BANP: variants seen among roughly 807,000 people sequenced by gnomAD.
The protein encoded by BANP is BTG3 associated nuclear protein.
BANP carries 11 observed loss-of-function variants against 68.1 expected under a neutral mutation model. The observed-to-expected ratio is 0.16, with a 90% CI of 0.10 to 0.27. The LOEUF (loss-of-function observed/expected upper bound fraction) is 0.27, where lower values mean the gene tolerates loss of function less well. Ranked by LOEUF, BANP falls within the 10% of genes least tolerant of loss-of-function variation. The pLI, the probability that BANP is intolerant of heterozygous loss-of-function variation, is 1.00. For synonymous variants in BANP, 329 were observed against 303.2 expected (o/e 1.09, Z -0.88); for missense variants, 504 against 722.7 (o/e 0.70, Z 3.47).
intron 1 of BANP, among the ~76,000 whole-genome samples, chr16:87,960,468 T>C (rs545041107): frequency 5.3e-5 from 8 of 152,318 alleles, no homozygotes; most frequent in Non-Finnish European, 1.2e-4. Context: ...ATTTTTATCC[T>C]AAAGACATAC....
chr16:88,007,736 C>CGTATCT (rs1234405650), intron 6 of BANP, among the ~76,000 whole-genome samples: 1 of 152,170 alleles, frequency 6.6e-6, no homozygotes, highest in Non-Finnish European at 1.5e-5. Context: ...GACTCATTAC[C>CGTATCT]GTATCTGAAA....
intron 13 of BANP, among the ~76,000 whole-genome samples, chr16:88,073,670 C>T (rs1218663039): frequency 6.6e-6 from 1 of 152,158 alleles, no homozygotes; most frequent in Non-Finnish European, 1.5e-5. Context: ...CTGCCGAGGA[C>T]GCGTGGCAGC....
chr16:87,951,715 G>A (rs1178497184), intron 1 of BANP, among the ~76,000 whole-genome samples, 200 bp downstream of exon 1: 1 of 150,170 alleles, frequency 6.7e-6, no homozygotes, highest in Non-Finnish European at 1.5e-5. Flanking sequence ...CGGAAGAGGG[G>A]CTCCCGCTTC....
At position 88,057,763 on chromosome 16, in the gene BANP, G is replaced by T. The variant is rs879259972; in HGVS notation, c.1312-7504G>T. Among the ~76,000 whole-genome samples, 387 of 144,582 alleles carry T rather than the reference G, an allele frequency of 2.7e-3. 2 individuals are homozygous for T. The highest frequency in any genetic ancestry group is 4.7e-3 in the Non-Finnish European group (308 of 65,974). 94.9% of individuals were successfully genotyped at this position (144,582 alleles called of 152,430 possible). ...GGCCATCTGGGTGGGGCGGGGGGGG[G>T]GGTGCGTGCAGTGACTCGCGCTGGC... On this transcript the variant is annotated intron_variant, in intron 11 of 13. Transcript: ENST00000682872. This position sits in a 1 kb window ranked among gnomAD's most constrained non-coding sequence, Gnocchi z 4.6.
rs1197305189 is a variant in BANP, at chr16:88,071,401, A to T, written c.1378-668A>T. The T allele has an allele frequency of 4.5e-6, 2 of 447,544 alleles. No individual in the cohort carries two copies. The highest frequency in any genetic ancestry group is 9.0e-6 in the Non-Finnish European group (2 of 221,716). The allele number at this position is 447,544 out of a possible 1,614,324, so 27.7% of individuals were successfully genotyped here. On this transcript the variant is annotated intron_variant, in intron 12 of 13. Transcript: ENST00000682872. This position sits in a 1 kb window ranked among gnomAD's most constrained non-coding sequence, Gnocchi z 6.5. ...CTGGGTGCTTACAGGCGATGGGGTC[A>T]CCAGAGCCCACCCAGGGGCCTCGCC...
intron 11 of BANP, 68 bp downstream of exon 11, chr16:88,038,079 G>A: frequency 7.3e-6 from 11 of 1,516,424 alleles, no homozygotes; most frequent in Non-Finnish European, 1.0e-5. Context: ...TCAGGGGAGG[G>A]GGTGGGACGG....
chr16:87,997,176 C>G (rs2067483590), intron 4 of BANP, among the ~76,000 whole-genome samples: 1 of 152,194 alleles, frequency 6.6e-6, no homozygotes, highest in Non-Finnish European at 1.5e-5. Flanking sequence ...CCAGGCTGGT[C>G]TTGAACTCCT....
At chr16:88,074,899 T>G (rs1486013106) in intron 13 of BANP, among the ~76,000 whole-genome samples, 1 of 152,172 alleles carries the variant, frequency 6.6e-6, no homozygotes, top group Non-Finnish European at 1.5e-5. Flanking sequence ...CATTTGACAT[T>G]TGTCTTGAAA....
chr16:87,988,478 T>C (rs1212924255), intron 4 of BANP, among the ~76,000 whole-genome samples: 1 of 152,038 alleles, frequency 6.6e-6, no homozygotes, highest in African/African-American at 2.4e-5. Context: ...TGTTTGTCAG[T>C]CTGATCTCAA....
At chr16:88,074,658 T>TGGGG (rs1447275551) in intron 13 of BANP, among the ~76,000 whole-genome samples, 1 of 150,892 alleles carries the variant, frequency 6.6e-6, no homozygotes, top group Non-Finnish European at 1.5e-5. Flanking sequence ...TCCAGCTGTC[T>TGGGG]GGGGGAAGGG....
intron 4 of BANP, among the ~76,000 whole-genome samples, chr16:87,989,008 A>G (rs1226983191): frequency 6.6e-6 from 1 of 152,246 alleles, no homozygotes; most frequent in East Asian, 1.9e-4. Context: ...CTGGAACACA[A>G]GAAGGCAGTG....
intron 8 of BANP, among the ~76,000 whole-genome samples, chr16:88,031,151 G>A (rs1203398732): frequency 6.6e-6 from 1 of 152,218 alleles, no homozygotes; most frequent in Non-Finnish European, 1.5e-5. Flanking sequence ...CGTGGAGCAC[G>A]CAGCACTGCC....
intron 6 of BANP, among the ~76,000 whole-genome samples, chr16:88,013,033 T>C (rs2073586807): frequency 6.6e-6 from 1 of 152,198 alleles, no homozygotes; most frequent in Non-Finnish European, 1.5e-5. Flanking sequence ...TCCATTTCAG[T>C]GTAGAAAAGG....
chr16:88,072,367 A>T lies in BANP; in HGVS notation c.1521+155A>T, dbSNP rs113063252. Among the ~76,000 whole-genome samples the T allele has an allele frequency of 1.7e-3, 266 of 152,368 alleles. 3 individuals are homozygous for T. Among genetic ancestry groups the T allele is most frequent in the African/African-American group, 6.3e-3 (262 of 41,594 alleles). On this transcript the variant is annotated intron_variant, in intron 13 of 13. Coordinates refer to ENST00000682872, the MANE Select transcript of BANP (RefSeq NM_001386991.1). ...TGCCCATCTGAGGGTTCTACGTCTC[A>T]CACTCACCGTGAACGTGAAGGTGAG...
At chr16:87,962,216 G>C (rs910995861) in intron 1 of BANP, among the ~76,000 whole-genome samples, 4 of 127,904 alleles carry the variant, frequency 3.1e-5, no homozygotes, top group African/African-American at 6.2e-5. Context: ...CTCCAGTCTG[G>C]GCTACAGAGC....
Position 87,953,230 on chromosome 16 carries a change from A to G in BANP, c.-69+1715A>G, listed in dbSNP as rs187445144. ...CCATATATTTAGTATTTTAATCAAT[A>G]TAATGTATACAATAGGAACGTCAAT... On this transcript the variant is annotated intron_variant, in intron 1 of 13. Coordinates refer to ENST00000682872, the MANE Select transcript of BANP (RefSeq NM_001386991.1). Among the ~76,000 whole-genome samples the G allele has an allele frequency of 2.0e-5, 3 of 152,248 alleles. No individual in the cohort carries two copies. In the East Asian group the frequency reaches 5.8e-4, roughly 29 times the overall value.
rs1161528908 is a variant in BANP at position 88,004,385 on chromosome 16, G to A, written c.453G>A (p.Pro151=). Residue 151 remains proline, a synonymous_variant, in exon 5 of 14, where the codon CCG becomes CCA. Coordinates refer to ENST00000682872, the MANE Select transcript of BANP (RefSeq NM_001386991.1). The surrounding 1 kb of genome is among the most constrained non-coding windows in gnomAD (Gnocchi z 7.0). ...KMEDPLSNRA[P]DSLENVISNA... ...AAGACCCCTTGAGCAACAGGGCACC[G>A]GATTCCCTGGAAAATGTCATTAGCA... The A allele has an allele frequency of 1.9e-6, 3 of 1,541,504 alleles. No individual in the cohort carries two copies. Among genetic ancestry groups the A allele is most frequent in the African/African-American group, 1.4e-5 (1 of 72,706 alleles).
At chr16:88,055,504 A>C (rs2084785880) in intron 11 of BANP, among the ~76,000 whole-genome samples, 1 of 152,190 alleles carries the variant, frequency 6.6e-6, no homozygotes, top group Non-Finnish European at 1.5e-5. Flanking sequence ...TACTTCGCTT[A>C]AGAGTAAGTT....
At chr16:87,997,181 ACTC>A (rs1201439146) in intron 4 of BANP, among the ~76,000 whole-genome samples, 1 of 151,402 alleles carries the variant, frequency 6.6e-6, no homozygotes, top group Admixed American at 6.6e-5. Flanking sequence ...CTGGTCTTGA[ACTC>A]CTGGGCTCAA....
Sources: gnomAD v4.1 joint callset for allele counts (sites outside exome capture counted in the v4.1 genomes callset) on GRCh38, gnomAD v4.1.1 for gene constraint, Gnocchi (gnomAD v3.1) non-coding constraint, MANE v1.5 for transcripts, NCBI Gene and HGNC (gene_info 2026-07-23, HGNC 2026-07-21) for gene names.